Variants in EPHA3 observed in about 807,000 individuals in gnomAD.
The protein encoded by EPHA3 is EPH receptor A3.
EPHA3 carries 42 observed loss-of-function variants against 107.1 expected under a neutral mutation model. The observed-to-expected ratio is 0.39, with a 90% CI of 0.31 to 0.51. EPHA3 has a LOEUF of 0.51. Among genes scored for constraint, EPHA3 ranks in the 20% least tolerant of loss-of-function variants. EPHA3 has a pLI of 0.78. For missense variants in EPHA3, 1,183 were observed against 1,211.2 expected (o/e 0.98, Z 0.35); for synonymous variants, 461 against 424.8 (o/e 1.09, Z -1.05).
intron 5 of EPHA3, among the ~76,000 whole-genome samples, chr3:89,392,929 A>G (rs1708774182): frequency 6.6e-6 from 1 of 152,178 alleles, no homozygotes; most frequent in South Asian, 2.1e-4. Flanking sequence ...AAAAGCATTG[A>G]TACAATGGAG....
At chr3:89,438,270 G>A (rs370978310) in intron 13 of EPHA3, among the ~76,000 whole-genome samples, 1 of 151,660 alleles carries the variant, frequency 6.6e-6, no homozygotes, top group Non-Finnish European at 1.5e-5. Flanking sequence ...CACTACACCC[G>A]GCTAATTTTT....
At chr3:89,478,559 G>C (rs73139134) in intron 16 of EPHA3, among the ~76,000 whole-genome samples, 29,789 of 151,986 alleles carry the variant, frequency 0.2, 3,547 homozygotes, top group Non-Finnish European at 0.25. Context: ...GTAGGCCAAG[G>C]TGCTTACATA....
intron 6 of EPHA3, among the ~76,000 whole-genome samples, chr3:89,397,079 A>T (rs1708865262): frequency 6.6e-6 from 1 of 152,142 alleles, no homozygotes; most frequent in Admixed American, 6.5e-5. Flanking sequence ...AACTGTGCAA[A>T]CTGCGTAATG....
At chr3:89,196,661 T>G (rs1260244779) in intron 2 of EPHA3, among the ~76,000 whole-genome samples, 1 of 152,118 alleles carries the variant, frequency 6.6e-6, no homozygotes, top group African/African-American at 2.4e-5. Context: ...TTCCTCCTCA[T>G]CTATTTTCAC....
At position 89,315,121 on chromosome 3, in the gene EPHA3, G is replaced by A. The variant is rs116593035; in HGVS notation, c.815-25795G>A. On this transcript the variant is annotated intron_variant, in intron 3 of 16. Transcript: ENST00000336596. ...ATCTTATGGGTCCACTGTCATGCAC[G>A]CTGTCCATCATTGACTGAAACATTG... Among the ~76,000 whole-genome samples, 956 of 151,836 alleles carry A rather than the reference G, an allele frequency of 6.3e-3. 12 individuals carry two copies. Among genetic ancestry groups the A allele is most frequent in the African/African-American group, 0.022 (924 of 41,440 alleles).
At chr3:89,292,624 A>G (rs1029822463) in intron 3 of EPHA3, among the ~76,000 whole-genome samples, 1 of 152,222 alleles carries the variant, frequency 6.6e-6, no homozygotes, top group African/African-American at 2.4e-5. Flanking sequence ...TAAAATTCTT[A>G]ACTCTATTTG....
chr3:89,417,899 G>T (rs929731284), intron 10 of EPHA3, among the ~76,000 whole-genome samples: 1 of 151,402 alleles, frequency 6.6e-6, no homozygotes, highest in Non-Finnish European at 1.5e-5. Flanking sequence ...ATAAGTCATT[G>T]CTTTGAAAAC....
intron 2 of EPHA3, among the ~76,000 whole-genome samples, chr3:89,133,398 A>G (rs1179313435): frequency 6.6e-6 from 1 of 152,208 alleles, no homozygotes; most frequent in Non-Finnish European, 1.5e-5. Context: ...TTATTAGTCA[A>G]AGTAGGAACC....
At position 89,265,517 on chromosome 3, in the gene EPHA3, G is replaced by A. The variant is rs149268895; in HGVS notation, c.814+54997G>A. 2.2e-3 allele frequency among the ~76,000 whole-genome samples: 338 copies of A among 152,188 alleles called. 11 individuals carry two copies. In the East Asian group the frequency reaches 0.062, roughly 28 times the overall value. ...TTATAAAATAATTTTGGCAAAATAT[G>A]TAATGCAAAATGTGATATGGCTTTT... On this transcript the variant is annotated intron_variant, in intron 3 of 16. Transcript: ENST00000336596.
At chr3:89,166,059 C>A (rs1576197966) in intron 2 of EPHA3, among the ~76,000 whole-genome samples, 1 of 151,566 alleles carries the variant, frequency 6.6e-6, no homozygotes, top group Non-Finnish European at 1.5e-5. Context: ...AGGATTAAAA[C>A]CCCGGTGATC....
At chr3:89,450,040 T>C (rs1175239902) in intron 14 of EPHA3, 137 bp from the exon 15 acceptor site, 2 of 616,146 alleles carry the variant, frequency 3.2e-6, no homozygotes, top group Non-Finnish European at 5.5e-6. Flanking sequence ...TTGTTATCCT[T>C]TTAGGCAACT....
At chr3:89,253,029 A>G (rs1705199882) in intron 3 of EPHA3, among the ~76,000 whole-genome samples, 1 of 152,014 alleles carries the variant, frequency 6.6e-6, no homozygotes, top group African/African-American at 2.4e-5. Flanking sequence ...GAGGCTGTTT[A>G]GTTATTCCGA....
intron 3 of EPHA3, among the ~76,000 whole-genome samples, chr3:89,294,738 T>G (rs1706303522): frequency 1.3e-5 from 2 of 152,190 alleles, no homozygotes; most frequent in South Asian, 4.1e-4. Context: ...CACAGTTATA[T>G]TCACTGTTCT....
intron 13 of EPHA3, among the ~76,000 whole-genome samples, chr3:89,432,108 A>G (rs1180177118): frequency 3.9e-5 from 6 of 152,128 alleles, no homozygotes; most frequent in African/African-American, 1.4e-4. Flanking sequence ...ATTTTTCCAT[A>G]TTTTATACCA....
chr3:89,404,073 C>A (rs545735742), intron 7 of EPHA3, among the ~76,000 whole-genome samples: 4 of 151,888 alleles, frequency 2.6e-5, no homozygotes, highest in African/African-American at 7.3e-5. Context: ...ATTAAATTAG[C>A]GCTCCCGAAA....
At chr3:89,279,117 A>C (rs534361259) in intron 3 of EPHA3, among the ~76,000 whole-genome samples, 10 of 152,280 alleles carry the variant, frequency 6.6e-5, no homozygotes, top group African/African-American at 1.9e-4. Flanking sequence ...ATTGTTTTGC[A>C]AGTAAATAGC....
chr3:89,169,233 A>G (rs957852637), intron 2 of EPHA3, among the ~76,000 whole-genome samples: 5 of 151,982 alleles, frequency 3.3e-5, no homozygotes, highest in African/African-American at 1.2e-4. Context: ...TATCACTGCT[A>G]ATTATACATG....
Position 89,270,777 on chromosome 3 carries a change from A to G in EPHA3, c.814+60257A>G, listed in dbSNP as rs780521032. 1.9e-4 allele frequency among the ~76,000 whole-genome samples: 29 copies of G among 152,124 alleles called. 1 individual carries two copies. Among genetic ancestry groups the G allele is most frequent in the Admixed American group, 3.9e-4 (6 of 15,240 alleles). On this transcript the variant is annotated intron_variant, in intron 3 of 16. Coordinates refer to ENST00000336596, the MANE Select transcript of EPHA3 (RefSeq NM_005233.6). The stretch of plus-strand genomic sequence containing the variant: ...AAAATTGTCTGTGCTTTTTGATTAA[A>G]AAGCAAACAAAACACACTGGGCTCC...
chr3:89,226,863 T>C (rs1381814290), intron 3 of EPHA3, among the ~76,000 whole-genome samples: 1 of 152,082 alleles, frequency 6.6e-6, no homozygotes, highest in Non-Finnish European at 1.5e-5. Context: ...GCATGATTAC[T>C]GAGACTTAAT....
Sources: allele counts gnomAD v4.1 joint callset (sites outside exome capture counted in the v4.1 genomes callset), GRCh38; gene constraint gnomAD v4.1.1; transcripts MANE v1.5; gene names NCBI Gene and HGNC (gene_info 2026-07-23, HGNC 2026-07-21).